The following ETNK2 variants were observed in gnomAD, a reference collection of about 807,000 sequenced individuals.
The protein encoded by ETNK2 is ethanolamine kinase 2.
In ETNK2, 33 loss-of-function variants were observed where a neutral mutation model predicts 46.2. The ratio of observed to expected loss-of-function variants is 0.71; its 90% confidence interval spans 0.54 to 0.96. ETNK2 has a LOEUF of 0.96. Ranked by LOEUF, ETNK2 falls within the 40% of genes least tolerant of loss-of-function variation. ETNK2 has a pLI of 0.00. For synonymous variants in ETNK2, 194 were observed against 209.0 expected, an observed-to-expected ratio of 0.93 and a Z score of 0.62; for missense variants, 445 against 509.7, an observed-to-expected ratio of 0.87 and a Z score of 1.22.
chr1:204,135,971 T>G (rs933898732), intron 6 of ETNK2, among the ~76,000 whole-genome samples: 6 of 152,106 alleles, frequency 3.9e-5, no homozygotes, highest in African/African-American at 1.2e-4. Context: ...GACAGCACAG[T>G]CATTTGAGCA....
intron 4 of ETNK2, 79 bp from the exon 5 acceptor site, chr1:204,140,197 T>C: frequency 8.4e-7 from 1 of 1,185,058 alleles, no homozygotes; most frequent in Non-Finnish European, 1.3e-6. Context: ...CACAGACCTC[T>C]GGGATGCACC....
In ETNK2 at chr1:204,151,913, C is replaced by T; in HGVS notation, c.-61G>A. On this transcript the variant is annotated 5_prime_UTR_variant, in exon 1 of 8. Coordinates refer to ENST00000367202, the MANE Select transcript of ETNK2 (RefSeq NM_018208.4). This position sits in a 1 kb window ranked among gnomAD's most constrained non-coding sequence, Gnocchi z 8.0. The stretch of plus-strand genomic sequence containing the variant: ...CGCTAGCCCCGGCGGGGGGGTCCGG[C>T]GAGGGAGTGGGAGTGGTAGAGGAGG... 7.1e-7 allele frequency: 1 copy of T among 1,400,808 alleles called. No homozygotes were observed. Among genetic ancestry groups the T allele is most frequent in the Non-Finnish European group, 9.2e-7 (1 of 1,084,386 alleles). The allele number at this position is 1,400,808 out of a possible 1,614,324, so 86.8% of individuals were successfully genotyped here.
At chr1:204,135,861 T>A (rs1657261216) in intron 6 of ETNK2, among the ~76,000 whole-genome samples, 1 of 152,200 alleles carries the variant, frequency 6.6e-6, no homozygotes, top group Admixed American at 6.5e-5. Flanking sequence ...ACTTGTCTTC[T>A]TACTTCTGCA....
At chr1:204,132,843 A>C (rs2102277372) in intron 7 of ETNK2, among the ~76,000 whole-genome samples, 1 of 152,288 alleles carries the variant, frequency 6.6e-6, no homozygotes, top group South Asian at 2.1e-4. Flanking sequence ...TATATTGTTA[A>C]GTATATTCAC....
chr1:204,139,093 GTAAA>G (rs1410730574), intron 5 of ETNK2, among the ~76,000 whole-genome samples: 1 of 152,142 alleles, frequency 6.6e-6, no homozygotes, highest in African/African-American at 2.4e-5. Flanking sequence ...CACAGAGAAG[GTAAA>G]TAAACTGCCC....
intron 1 of ETNK2, among the ~76,000 whole-genome samples, chr1:204,150,223 G>A (rs1218469093): frequency 3.3e-5 from 5 of 152,200 alleles, no homozygotes; most frequent in Non-Finnish European, 5.9e-5. Flanking sequence ...TCTAGTGAAT[G>A]GGATTTGGCA....
In ETNK2 at chr1:204,132,061, C is replaced by T. The variant is rs2102276288; in HGVS notation, c.*123G>A. On this transcript the variant is annotated 3_prime_UTR_variant, in exon 8 of 8. Transcript: ENST00000367202. ...TCTGGCGGCAGGGACAGAGCCTTCTCCCTGGACACCCATGTGTCCCCTCTC... is the reference window on the plus strand; with the variant it reads ...TCTGGCGGCAGGGACAGAGCCTTCTTCCTGGACACCCATGTGTCCCCTCTC... 25 of 785,040 alleles carry T rather than the reference C, an allele frequency of 3.2e-5. No individual in the cohort carries two copies. Among genetic ancestry groups the T allele is most frequent in the Middle Eastern group, 3.5e-4 (1 of 2,840 alleles). The allele number at this position is 785,040 out of a possible 1,614,324, so 48.6% of individuals were successfully genotyped here. A position where few individuals can be genotyped will look rare whatever the true frequency, so the allele number is the denominator to read the frequency against.
rs1657788280 is a variant in ETNK2, at chr1:204,146,547, A to G, written c.641+95T>C. ...TCCCCAGCCTCCTCCCCGAGACCTA[A>G]GCCCTTAAACCTCCTAGCAGGGTGG... On this transcript the variant is annotated intron_variant, in intron 3 of 7. Transcript: ENST00000367202. 2.7e-6 allele frequency: 4 copies of G among 1,458,314 alleles called. No homozygotes were observed. In the South Asian group the frequency reaches 3.8e-5, roughly 14 times the overall value. 90.3% of individuals were successfully genotyped at this position (1,458,314 alleles called of 1,614,324 possible).
At chr1:204,134,341 T>C (rs947529008) in intron 7 of ETNK2, among the ~76,000 whole-genome samples, 174 bp downstream of exon 7, 6 of 152,154 alleles carry the variant, frequency 3.9e-5, no homozygotes, top group Non-Finnish European at 7.3e-5. Flanking sequence ...AGTGGTACTT[T>C]CCTGGCATCC....
rs867732899 is a variant in ETNK2 at position 204,132,249 on chromosome 1, C to T, written c.1096G>A (p.Val366Met). 1.9e-6 allele frequency: 3 copies of T among 1,568,304 alleles called. No homozygotes were observed. Among genetic ancestry groups the T allele is most frequent in the East Asian group, 2.4e-5 (1 of 42,486 alleles). Residue 366 changes from valine (V) to methionine (M), a missense_variant, in exon 8 of 8, where the codon GTG becomes ATG. Physicochemically the swap from Val to Met is conservative, Grantham distance 21. Transcript: ENST00000367202. ...TIDFDFLRYA[V>M]IRFNQYFKVK... is the part of the protein sequence containing the mutation. ...TTGAAGTACTGGTTGAATCGGATCA[C>T]TGCGTACCTGTGGGGAAGACAGAAG...
At position 204,151,274 on chromosome 1, in the gene ETNK2, GC is replaced by G. The variant is rs1657994813; in HGVS notation, c.258+320del. The G allele has an allele frequency of 2.1e-6, 1 of 483,908 alleles. No individual in the cohort carries two copies. Among genetic ancestry groups the G allele is most frequent in the African/African-American group, 2.1e-5 (1 of 47,978 alleles). The allele number at this position is 483,908 out of a possible 1,614,324, so 30.0% of individuals were successfully genotyped here. On this transcript the variant is annotated intron_variant, in intron 1 of 7. Coordinates refer to ENST00000367202, the MANE Select transcript of ETNK2 (RefSeq NM_018208.4). The surrounding 1 kb of genome is among the most constrained non-coding windows in gnomAD (Gnocchi z 8.0). ...AGGTTTCAGAGCTGGCTGGGTACGC[GC>G]TTCTGGTCAGCGAGGGGCACCAGCA... is the stretch of plus-strand genomic sequence containing the variant.
chr1:204,140,826 C>CTTTTTTT (rs5780215), intron 4 of ETNK2, among the ~76,000 whole-genome samples: 1 of 137,116 alleles, frequency 7.3e-6, no homozygotes, highest in Non-Finnish European at 1.6e-5. Flanking sequence ...CCTGGCCAGA[C>CTTTTTTT]TTTTTTTTTT....
At chr1:204,149,580 T>C (rs1571635792) in intron 2 of ETNK2, 123 bp downstream of exon 2, 2 of 1,259,760 alleles carry the variant, frequency 1.6e-6, no homozygotes, top group Non-Finnish European at 2.1e-6. Context: ...AACATGCATT[T>C]TTCATGCAAT....
At chr1:204,148,055 T>C (rs1657860396) in intron 2 of ETNK2, among the ~76,000 whole-genome samples, 1 of 152,112 alleles carries the variant, frequency 6.6e-6, no homozygotes, top group Non-Finnish European at 1.5e-5. Context: ...ACCTCAACAC[T>C]CAGCATTTTC....
chr1:204,132,676 G>A (rs1005235324), intron 7 of ETNK2, among the ~76,000 whole-genome samples: 4 of 151,822 alleles, frequency 2.6e-5, no homozygotes, highest in African/African-American at 7.2e-5. Flanking sequence ...CAAGCAATCC[G>A]CCTGCCATGG....
chr1:204,142,850 A>G (rs755070951), intron 3 of ETNK2: 1 of 152,236 alleles, frequency 6.6e-6, no homozygotes, highest in Admixed American at 6.5e-5. Context: ...TCAAAGCTCA[A>G]GAAGATCTGA....
At chr1:204,149,204 C>T (rs563326780) in intron 2 of ETNK2, among the ~76,000 whole-genome samples, 82 of 152,290 alleles carry the variant, frequency 5.4e-4, no homozygotes, top group African/African-American at 1.9e-3. Context: ...AACCTGGGTT[C>T]CCACTTCGTC....
At chr1:204,134,162 G>A (rs1657188489) in intron 7 of ETNK2, among the ~76,000 whole-genome samples, 1 of 152,188 alleles carries the variant, frequency 6.6e-6, no homozygotes, top group African/African-American at 2.4e-5. Flanking sequence ...GTAAAATGAG[G>A]GTAAGACCTA....
intron 3 of ETNK2, among the ~76,000 whole-genome samples, chr1:204,144,207 G>C (rs560490739): frequency 6.6e-6 from 1 of 151,792 alleles, no homozygotes. Context: ...TTAGCCGGGC[G>C]TGGTGGTGGG....
Sources: gnomAD v4.1 joint callset for allele counts (sites outside exome capture counted in the v4.1 genomes callset) on GRCh38, gnomAD v4.1.1 for gene constraint, Gnocchi (gnomAD v3.1) non-coding constraint, MANE v1.5 for transcripts, NCBI Gene and HGNC (gene_info 2026-07-23, HGNC 2026-07-21) for gene names.